DPYD: variants seen among roughly 807,000 people sequenced by gnomAD.
DPYD encodes the protein dihydropyrimidine dehydrogenase, also known as dihydropyrimidine dehydrogenase [NADP(+)].
DPYD carries 109 observed loss-of-function variants against 116.2 expected under a neutral mutation model. That is an observed-to-expected ratio of 0.94 (90% CI 0.80 to 1.10). DPYD has a LOEUF of 1.10. Among genes scored for constraint, DPYD ranks in the 50% least tolerant of loss-of-function variants. The probability of loss-of-function intolerance (pLI) is 0.00; values close to 1 mark genes in which losing one functional copy is unlikely to be tolerated. For synonymous variants in DPYD, 440 were observed against 432.0 expected, an observed-to-expected ratio of 1.02 and a Z score of -0.23; for missense variants, 1,302 against 1,254.5, an observed-to-expected ratio of 1.04 and a Z score of -0.57.
At chr1:97,889,730 C>T (rs1672684735) in intron 1 of DPYD, among the ~76,000 whole-genome samples, 1 of 151,994 alleles carries the variant, frequency 6.6e-6, no homozygotes, top group Non-Finnish European at 1.5e-5. Context: ...AAACAGAAGA[C>T]TTGAATAACA....
At chr1:97,780,638 G>A (rs1666689903) in intron 3 of DPYD, among the ~76,000 whole-genome samples, 1 of 152,138 alleles carries the variant, frequency 6.6e-6, no homozygotes, top group African/African-American at 2.4e-5. Flanking sequence ...CAACTCAGAA[G>A]GAGGTATATT....
Position 97,665,135 on chromosome 1 carries a change from G to A in DPYD, c.850+13960C>T, listed in dbSNP as rs534409506. On this transcript the variant is annotated intron_variant, in intron 8 of 22. Coordinates refer to ENST00000370192, the MANE Select transcript of DPYD (RefSeq NM_000110.4). ...AAACCACATTAGAATGGGAAAAAAGGCACAAACATAACATTGATTCAACTT... is the reference window on the plus strand; with the variant it reads ...AAACCACATTAGAATGGGAAAAAAGACACAAACATAACATTGATTCAACTT... Among the ~76,000 whole-genome samples, 7 of 152,078 alleles carry A rather than the reference G, an allele frequency of 4.6e-5. No individual in the cohort carries two copies. The South Asian group carries it at 1.5e-3, about 32-fold the overall frequency.
intron 20 of DPYD, among the ~76,000 whole-genome samples, chr1:97,157,222 T>A (rs1233774415): frequency 6.6e-6 from 1 of 151,752 alleles, no homozygotes; most frequent in African/African-American, 2.4e-5. Flanking sequence ...CATATGTAAC[T>A]AACCTGCACA....
At position 97,577,463 on chromosome 1, in the gene DPYD, C is replaced by T. The variant is rs572912238; in HGVS notation, c.1129-3493G>A. 5.3e-5 allele frequency among the ~76,000 whole-genome samples: 8 copies of T among 152,196 alleles called. No homozygotes were observed. In the East Asian group the frequency reaches 1.4e-3, roughly 26 times the overall value. On this transcript the variant is annotated intron_variant, in intron 10 of 22. Coordinates refer to ENST00000370192, the MANE Select transcript of DPYD (RefSeq NM_000110.4). ...TAAACCAACCAGTTAAAATTTCCCACGAGAAACCTGTTTGGATAACGCCCT... is the reference window on the plus strand; with the variant it reads ...TAAACCAACCAGTTAAAATTTCCCATGAGAAACCTGTTTGGATAACGCCCT...
Position 97,385,280 on chromosome 1 carries a change from CAAAAAAAAAAAAAAAAAAAAAA to C in DPYD, c.1906-2841_1906-2820del, listed in dbSNP as rs567156406. Among the ~76,000 whole-genome samples the C allele has an allele frequency of 5.7e-4, 28 of 48,932 alleles. No individual in the cohort carries two copies. In the East Asian group the frequency reaches 5.8e-3, roughly 10 times the overall value. The allele number at this position is 48,932 out of a possible 152,430, so 32.1% of individuals were successfully genotyped here. A position where few individuals can be genotyped will look rare whatever the true frequency, so the allele number is the denominator to read the frequency against. ...TACCTCTTGGTGTAGGCATTCCTTG[CAAAAAAAAAAAAAAAAAAAAAA>C]AAAAAAAAAAAAAAAAGAGAGAGAG... On this transcript the variant is annotated intron_variant, in intron 14 of 22. Coordinates refer to ENST00000370192, the MANE Select transcript of DPYD (RefSeq NM_000110.4).
intron 19 of DPYD, among the ~76,000 whole-genome samples, chr1:97,210,174 C>T (rs962843756): frequency 2.6e-5 from 4 of 152,034 alleles, no homozygotes; most frequent in African/African-American, 9.7e-5. Context: ...GGAATGTTTC[C>T]TGAATATTCA....
At chr1:97,720,721 C>T (rs1198616652) in intron 5 of DPYD, 6 of 1,417,954 alleles carry the variant, frequency 4.2e-6, no homozygotes, top group Non-Finnish European at 3.7e-6. Context: ...TCTAGGTTGA[C>T]GGGCACTTAA....
chr1:97,807,776 A>C (rs940612135), intron 3 of DPYD, among the ~76,000 whole-genome samples: 2 of 151,982 alleles, frequency 1.3e-5, no homozygotes, highest in Non-Finnish European at 1.5e-5. Context: ...TGTGTTTTCT[A>C]TTTAGTTCTA....
intron 16 of DPYD, among the ~76,000 whole-genome samples, chr1:97,367,488 C>T (rs541940015): frequency 3.5e-4 from 54 of 152,134 alleles, no homozygotes; most frequent in Non-Finnish European, 4.4e-5. Flanking sequence ...GATGACAAAA[C>T]TAATGTTTGG....
chr1:97,820,839 TAGAG>T (rs1297864719), intron 3 of DPYD, among the ~76,000 whole-genome samples: 3 of 152,226 alleles, frequency 2.0e-5, no homozygotes, highest in African/African-American at 7.2e-5. Context: ...ATTCTTGCCA[TAGAG>T]ATATACTCAT....
At chr1:97,692,965 A>G (rs1047961451) in intron 6 of DPYD, among the ~76,000 whole-genome samples, 3 of 152,154 alleles carry the variant, frequency 2.0e-5, no homozygotes, top group African/African-American at 7.2e-5. Flanking sequence ...TAATTTTTAT[A>G]TATCAATCAG....
chr1:97,119,848 T>A (rs1652285084), intron 20 of DPYD, among the ~76,000 whole-genome samples: 1 of 152,188 alleles, frequency 6.6e-6, no homozygotes, highest in African/African-American at 2.4e-5. Flanking sequence ...TGTGCAGTAA[T>A]CCTCTGACTG....
intron 14 of DPYD, among the ~76,000 whole-genome samples, chr1:97,441,520 T>C (rs1447909731): frequency 1.3e-5 from 2 of 152,162 alleles, no homozygotes; most frequent in African/African-American, 4.8e-5. Context: ...TTTCATCTTA[T>C]TCATTGTAGT....
At chr1:97,613,704 T>C (rs1414771955) in intron 8 of DPYD, among the ~76,000 whole-genome samples, 5 of 152,050 alleles carry the variant, frequency 3.3e-5, no homozygotes, top group African/African-American at 1.2e-4. Context: ...AATGTACAGA[T>C]TTTTAGGCAC....
At chr1:97,867,094 T>A (rs757065737) in intron 2 of DPYD, among the ~76,000 whole-genome samples, 2 of 151,854 alleles carry the variant, frequency 1.3e-5, no homozygotes, top group South Asian at 2.1e-4. Flanking sequence ...AGACATCAGA[T>A]AGGAGAATAT....
chr1:97,895,524 A>G (rs1236782949), intron 1 of DPYD, among the ~76,000 whole-genome samples: 1 of 151,792 alleles, frequency 6.6e-6, no homozygotes, highest in Admixed American at 6.6e-5. Context: ...TTAACAGCTA[A>G]AAGGAAATAT....
intron 13 of DPYD, among the ~76,000 whole-genome samples, chr1:97,467,300 G>C (rs958326629): frequency 1.5e-4 from 23 of 152,182 alleles, no homozygotes; most frequent in Non-Finnish European, 3.1e-4. Flanking sequence ...CCAAGAGCCA[G>C]AGCTAACATT....
intron 2 of DPYD, among the ~76,000 whole-genome samples, chr1:97,843,841 A>C (rs1670158075): frequency 6.6e-6 from 1 of 152,170 alleles, no homozygotes; most frequent in African/African-American, 2.4e-5. Context: ...CTTACATTTT[A>C]ATGAATAGGG....
chr1:97,876,043 G>A (rs1213053019), intron 2 of DPYD, among the ~76,000 whole-genome samples: 2 of 151,902 alleles, frequency 1.3e-5, no homozygotes, highest in African/African-American at 4.8e-5. Context: ...TACCAATTTT[G>A]AGTTAAATTA....
Sources: allele counts gnomAD v4.1 joint callset (sites outside exome capture counted in the v4.1 genomes callset), GRCh38; gene constraint gnomAD v4.1.1; transcripts MANE v1.5; gene names NCBI Gene and HGNC (gene_info 2026-07-23, HGNC 2026-07-21).